Variants in MLLT3 observed in about 807,000 individuals in gnomAD.
The protein encoded by MLLT3 is MLLT3 super elongation complex subunit, also known as protein AF-9.
MLLT3 carries 4 observed loss-of-function variants against 53.2 expected under a neutral mutation model. The observed-to-expected ratio is 0.08, with a 90% confidence interval of 0.04 to 0.17. The LOEUF (loss-of-function observed/expected upper bound fraction) is 0.17, where lower values mean the gene tolerates loss of function less well. Ranked by LOEUF, MLLT3 falls within the 10% of genes least tolerant of loss-of-function variation. MLLT3 has a pLI of 1.00. For synonymous variants in MLLT3, 283 were observed against 230.6 expected (o/e 1.23, Z -2.06); for missense variants, 569 against 684.0 (o/e 0.83, Z 1.87).
intron 2 of MLLT3, among the ~76,000 whole-genome samples, chr9:20,561,132 C>A (rs142386692): frequency 6.6e-6 from 1 of 152,034 alleles, no homozygotes; most frequent in Admixed American, 6.6e-5. Context: ...CATGCATGCA[C>A]GCACACACAC....
intron 2 of MLLT3, among the ~76,000 whole-genome samples, chr9:20,484,363 A>G (rs532021171): frequency 6.6e-6 from 1 of 152,212 alleles, no homozygotes; most frequent in Non-Finnish European, 1.5e-5. Flanking sequence ...CCTACCTCTG[A>G]CAGAACAATT....
At chr9:20,527,648 T>C (rs962872779) in intron 2 of MLLT3, among the ~76,000 whole-genome samples, 31 of 152,332 alleles carry the variant, frequency 2.0e-4, no homozygotes, top group African/African-American at 7.5e-4. Context: ...GTTCCCACTA[T>C]GGTAGCTCCT....
chr9:20,412,870 A>G (rs527294556), intron 5 of MLLT3, among the ~76,000 whole-genome samples: 2 of 152,360 alleles, frequency 1.3e-5, no homozygotes, highest in South Asian at 2.1e-4. Context: ...CCCTGTCACT[A>G]GAAGTGTAAG....
chr9:20,580,359 G>C (rs1409842037), intron 2 of MLLT3, among the ~76,000 whole-genome samples: 3 of 151,564 alleles, frequency 2.0e-5, no homozygotes, highest in African/African-American at 7.3e-5. Flanking sequence ...TAGTTAACTT[G>C]ACTTTTTTTT....
intron 2 of MLLT3, among the ~76,000 whole-genome samples, chr9:20,462,973 A>G (rs1452654823): frequency 6.6e-6 from 1 of 152,158 alleles, no homozygotes; most frequent in African/African-American, 2.4e-5. Flanking sequence ...AAGCAGAAAC[A>G]CTGAAAACAA....
At chr9:20,588,127 A>C (rs200353574) in intron 2 of MLLT3, among the ~76,000 whole-genome samples, 1 of 152,060 alleles carries the variant, frequency 6.6e-6, no homozygotes, top group Admixed American at 6.6e-5. Context: ...GTTTTTCTCA[A>C]GTTTGTCAAA....
intron 2 of MLLT3, among the ~76,000 whole-genome samples, chr9:20,609,546 T>C (rs1208115790): frequency 2.6e-5 from 4 of 152,044 alleles, no homozygotes; most frequent in Non-Finnish European, 4.4e-5. Flanking sequence ...GTCTATTTTA[T>C]GTAAAAGACA....
intron 2 of MLLT3, among the ~76,000 whole-genome samples, chr9:20,546,456 T>C (rs577496726): frequency 2.6e-5 from 4 of 151,908 alleles, no homozygotes; most frequent in South Asian, 4.2e-4. Context: ...GGCAGGAGGA[T>C]TGCTTAAGCC....
At chr9:20,354,674 C>T (rs1329365718) in intron 9 of MLLT3, 134 bp downstream of exon 9, 2 of 641,890 alleles carry the variant, frequency 3.1e-6, no homozygotes, top group Admixed American at 5.1e-5. Flanking sequence ...GGATGAAATA[C>T]TCATCATTTG....
At chr9:20,388,550 T>C (rs1822099844) in intron 5 of MLLT3, among the ~76,000 whole-genome samples, 1 of 152,146 alleles carries the variant, frequency 6.6e-6, no homozygotes, top group Admixed American at 6.5e-5. Context: ...ATCGTGCCAC[T>C]GCACTATGGC....
chr9:20,622,476 A>C lies in MLLT3; in HGVS notation c.-220T>G, dbSNP rs902775054. The C allele has an allele frequency of 9.3e-6, 5 of 536,540 alleles. No individual in the cohort carries two copies. The highest frequency in any genetic ancestry group is 3.9e-5 in the African/African-American group (2 of 50,930). 33.2% of individuals were successfully genotyped at this position (536,540 alleles called of 1,614,324 possible). On this transcript the variant is annotated 5_prime_UTR_variant, in exon 1 of 11. Coordinates refer to ENST00000380338, the MANE Select transcript of MLLT3 (RefSeq NM_004529.4). ...AAGCAAAAGCAGCAGCAGCAGCAGCAGCTCCAGGGTAAAGAAGATGATTGC... is the reference window on the plus strand; with the variant it reads ...AAGCAAAAGCAGCAGCAGCAGCAGCCGCTCCAGGGTAAAGAAGATGATTGC...
In MLLT3 at chr9:20,620,682, C is replaced by T; in HGVS notation, c.165G>A (p.Leu55=). 1 of 1,614,020 alleles carries T rather than the reference C, an allele frequency of 6.2e-7. No homozygotes were observed. Among genetic ancestry groups the T allele is most frequent in the South Asian group, 1.1e-5 (1 of 91,074 alleles). ...TTTTTGGCCTAGGAAAGCTTTCGTG[C>T]AAGTGGAAGACGACTTTCTCCACAA... The part of the protein sequence containing the change: ...QHFVEKVVFH[L]HESFPRPKRV... The change falls in exon 2 of 11, where the codon TTG becomes TTA. Residue 55 remains leucine (L), a synonymous_variant. Coordinates refer to ENST00000380338, the MANE Select transcript of MLLT3 (RefSeq NM_004529.4). This position sits in a 1 kb window ranked among gnomAD's most constrained non-coding sequence, Gnocchi z 6.1.
At chr9:20,372,000 G>C (rs879879273) in intron 5 of MLLT3, among the ~76,000 whole-genome samples, 2 of 152,208 alleles carry the variant, frequency 1.3e-5, no homozygotes, top group Non-Finnish European at 2.9e-5. Flanking sequence ...CTTCATGGAT[G>C]ACTTCGAGGG....
In MLLT3 at chr9:20,414,413, T is replaced by G. The variant is rs1167034803; in HGVS notation, c.433A>C (p.Ser145Arg). 6.2e-7 allele frequency: 1 copy of G among 1,607,522 alleles called. No homozygotes were observed. Among genetic ancestry groups the G allele is most frequent in the African/African-American group, 1.3e-5 (1 of 74,828 alleles). ...CTGCTGCTGCTGCTGGTATGAATAC[T>G]CCTATTAGGGTCCTGCAAAAAGGGG... is the stretch of plus-strand genomic sequence containing the variant. The part of the protein sequence containing the change: ...LLKAGGDPNR[S>R]IHTSSSSSSS... The change falls in exon 5 of 11, where the codon AGT becomes CGT. Residue 145 changes from serine (S) to arginine (R), a missense_variant. This residue lies in a region of MLLT3 where 39 missense variants were observed against 68.8 expected (regional missense o/e 0.57). Coordinates refer to ENST00000380338, the MANE Select transcript of MLLT3 (RefSeq NM_004529.4).
chr9:20,549,507 G>A (rs950152437), intron 2 of MLLT3, among the ~76,000 whole-genome samples: 17 of 152,128 alleles, frequency 1.1e-4, no homozygotes, highest in Admixed American at 3.3e-4. Flanking sequence ...TAGTTAACTC[G>A]TTTAATCTGC....
intron 5 of MLLT3, chr9:20,411,825 A>C (rs1187194168): frequency 3.3e-5 from 5 of 152,204 alleles, no homozygotes. Context: ...CCTAAAGAGG[A>C]AGACCATCTG....
intron 2 of MLLT3, among the ~76,000 whole-genome samples, chr9:20,568,894 G>C (rs983611975): frequency 6.6e-6 from 1 of 152,152 alleles, no homozygotes; most frequent in African/African-American, 2.4e-5. Flanking sequence ...TAAAAATAGA[G>C]TGGGGTTGGA....
At chr9:20,561,143 G>T (rs376874372) in intron 2 of MLLT3, among the ~76,000 whole-genome samples, 1 of 152,038 alleles carries the variant, frequency 6.6e-6, no homozygotes, top group Non-Finnish European at 1.5e-5. Context: ...GCACACACAC[G>T]CGTGTGTGCA....
chr9:20,609,495 G>C (rs1266259823), intron 2 of MLLT3, among the ~76,000 whole-genome samples: 1 of 151,996 alleles, frequency 6.6e-6, no homozygotes, highest in African/African-American at 2.4e-5. Context: ...TATCTGGTAA[G>C]TGATACTTCA....
Sources: gnomAD v4.1 joint callset for allele counts (sites outside exome capture counted in the v4.1 genomes callset) on GRCh38, gnomAD v4.1.1 for gene constraint, gnomAD v4.1.1 regional missense constraint, Gnocchi (gnomAD v3.1) non-coding constraint, MANE v1.5 for transcripts, NCBI Gene and HGNC (gene_info 2026-07-23, HGNC 2026-07-21) for gene names.